The following TBCK variants were observed in gnomAD, a reference collection of about 807,000 sequenced individuals.
TBCK encodes the protein TBC1 domain containing kinase, also known as TBC domain-containing protein kinase-like protein.
In TBCK, 99 loss-of-function variants were observed where a neutral mutation model predicts 113.4. The ratio of observed to expected loss-of-function variants is 0.87; its 90% confidence interval spans 0.74 to 1.03. The LOEUF (loss-of-function observed/expected upper bound fraction) is 1.03. Ranked by LOEUF, TBCK falls within the 50% of genes least tolerant of loss-of-function variation. The probability of loss-of-function intolerance (pLI) is 0.00; values close to 1 mark genes in which losing one functional copy is unlikely to be tolerated. For missense variants in TBCK, 1,045 were observed against 1,061.3 expected (o/e 0.98, Z 0.21); for synonymous variants, 369 against 370.8 (o/e 1.00, Z 0.05).
At chr4:106,292,676 G>A (rs899861284) in intron 3 of TBCK, among the ~76,000 whole-genome samples, 6 of 152,120 alleles carry the variant, frequency 3.9e-5, no homozygotes, top group Non-Finnish European at 7.4e-5. Flanking sequence ...AGAAGTAGGT[G>A]GCTTTCTAAA....
At chr4:106,085,988 G>T (rs945790956) in intron 25 of TBCK, among the ~76,000 whole-genome samples, 2 of 152,050 alleles carry the variant, frequency 1.3e-5, no homozygotes, top group Non-Finnish European at 2.9e-5. Context: ...GTCCACATCA[G>T]AAAGCTAAAA....
chr4:106,305,064 G>GT (rs889245124), intron 2 of TBCK, among the ~76,000 whole-genome samples: 5 of 151,910 alleles, frequency 3.3e-5, no homozygotes, highest in African/African-American at 7.3e-5. Flanking sequence ...GGGTTTGTTT[G>GT]TTTTTTTCTC....
At chr4:106,292,502 G>A (rs1389266819) in intron 3 of TBCK, among the ~76,000 whole-genome samples, 5 of 151,626 alleles carry the variant, frequency 3.3e-5, no homozygotes, top group African/African-American at 1.2e-4. Flanking sequence ...CCCGGGAGGA[G>A]GAGCTTGCAG....
chr4:106,066,361 C>A (rs1019425068), intron 25 of TBCK, among the ~76,000 whole-genome samples: 29 of 151,830 alleles, frequency 1.9e-4, no homozygotes, highest in African/African-American at 5.8e-4. Context: ...TAAAAAAAAA[C>A]CCAAAATACC....
intron 15 of TBCK, 26 bp downstream of exon 15, chr4:106,235,243 C>T (rs1759313539): frequency 1.3e-6 from 2 of 1,508,580 alleles, no homozygotes; most frequent in South Asian, 1.2e-5. Context: ...AATTAATCAG[C>T]TTCTAACCTT....
chr4:106,261,200 T>C (rs1022013032), intron 4 of TBCK, among the ~76,000 whole-genome samples: 20 of 152,146 alleles, frequency 1.3e-4, no homozygotes, highest in Admixed American at 1.2e-3. Context: ...TATTTATATT[T>C]AAAAACAGCT....
At position 106,194,704 on chromosome 4, in the gene TBCK, G is replaced by C; in HGVS notation, c.1897+14C>G. ...TAATACAATATCAAAAAAACCGGGG[G>C]AAGTCATACTTACGAGTAAACATGG... On this transcript the variant is annotated intron_variant, in intron 21 of 25. Transcript: ENST00000394708. 1.3e-6 allele frequency: 2 copies of C among 1,591,094 alleles called. No homozygotes were observed. The highest frequency in any genetic ancestry group is 2.3e-5 in the South Asian group (2 of 87,438).
intron 24 of TBCK, among the ~76,000 whole-genome samples, chr4:106,114,555 T>C (rs1279133346): frequency 2.0e-5 from 3 of 152,188 alleles, no homozygotes; most frequent in African/African-American, 7.2e-5. Context: ...TACAGCACCC[T>C]GCTCGGGGTC....
intron 10 of TBCK, 22 bp from the exon 11 acceptor site, chr4:106,244,786 A>T: frequency 7.0e-7 from 1 of 1,438,340 alleles, no homozygotes; most frequent in Non-Finnish European, 9.6e-7. Context: ...AAATTTAAGG[A>T]ATCATTGTAT....
At chr4:106,161,199 C>T (rs542705150) in intron 23 of TBCK, among the ~76,000 whole-genome samples, 25 of 152,154 alleles carry the variant, frequency 1.6e-4, no homozygotes, top group African/African-American at 3.1e-4. Flanking sequence ...GTAAATTTTA[C>T]GTTGTGTGTA....
intron 23 of TBCK, among the ~76,000 whole-genome samples, chr4:106,150,310 TTATTGAGA>T (rs1417557354): frequency 6.6e-6 from 1 of 152,138 alleles, no homozygotes; most frequent in Non-Finnish European, 1.5e-5. Context: ...TATGAATGCC[TTATTGAGA>T]TATTTTCCCC....
At chr4:106,084,317 C>G (rs1739247747) in intron 25 of TBCK, among the ~76,000 whole-genome samples, 1 of 151,978 alleles carries the variant, frequency 6.6e-6, no homozygotes, top group Non-Finnish European at 1.5e-5. Flanking sequence ...CCAAACTGAC[C>G]ACATGGAAGA....
At chr4:106,203,556 A>C (rs1161725069) in intron 20 of TBCK, among the ~76,000 whole-genome samples, 1 of 151,854 alleles carries the variant, frequency 6.6e-6, no homozygotes, top group Non-Finnish European at 1.5e-5. Context: ...TAAAAAAAGA[A>C]ACAAATAAAA....
chr4:106,076,034 C>T (rs1263132769), intron 25 of TBCK, among the ~76,000 whole-genome samples: 2 of 152,190 alleles, frequency 1.3e-5, no homozygotes, highest in East Asian at 3.9e-4. Flanking sequence ...AATCCTGGCT[C>T]TGACACAGGC....
chr4:106,108,491 G>A (rs1345944747), intron 24 of TBCK, among the ~76,000 whole-genome samples: 18 of 152,154 alleles, frequency 1.2e-4, no homozygotes, highest in Admixed American at 1.2e-3. Flanking sequence ...TACATAAGCA[G>A]AACTAAAGAC....
chr4:106,077,056 G>A lies in TBCK; in HGVS notation c.2571+18426C>T, dbSNP rs181292268. Among the ~76,000 whole-genome samples the A allele has an allele frequency of 1.2e-4, 18 of 152,252 alleles. 1 individual carries two copies. In the East Asian group the frequency reaches 3.3e-3, roughly 28 times the overall value. ...GCAGAGGTTGCAGTGAGCTGAGATTGTACTACTGCACTCCAGCTGGGGAGA... is the reference window on the plus strand; with the variant it reads ...GCAGAGGTTGCAGTGAGCTGAGATTATACTACTGCACTCCAGCTGGGGAGA... On this transcript the variant is annotated intron_variant, in intron 25 of 25. Coordinates refer to ENST00000394708, the MANE Select transcript of TBCK (RefSeq NM_001163435.3).
chr4:106,096,373 C>A (rs1244193516), intron 24 of TBCK, among the ~76,000 whole-genome samples: 1 of 152,082 alleles, frequency 6.6e-6, no homozygotes, highest in African/African-American at 2.4e-5. Flanking sequence ...ATACTAAGAA[C>A]CTAACAAACA....
chr4:106,125,708 G>C (rs1386375230), intron 23 of TBCK, among the ~76,000 whole-genome samples: 1 of 152,088 alleles, frequency 6.6e-6, no homozygotes, highest in Non-Finnish European at 1.5e-5. Flanking sequence ...AGGTGGACAG[G>C]GTGGGTTTGG....
Position 106,262,153 on chromosome 4 carries a change from T to A in TBCK, c.326A>T (p.Lys109Ile). Residue 109 changes from lysine (K) to isoleucine (I), a missense_variant, in exon 4 of 26, where the codon AAA (lysine) becomes ATA (isoleucine). Lys to Ile is a moderately radical substitution (Grantham distance 102, BLOSUM62 -3). Coordinates refer to ENST00000394708, the MANE Select transcript of TBCK (RefSeq NM_001163435.3). ...EVLQGLQYMN[K>I]HGIVHRALSP... The stretch of plus-strand genomic sequence containing the variant: ...CAATGCCCTGTGTACTATACCATGT[T>A]TGTTCATATACTGCAAGCCCTGAAG... 2 of 1,548,948 alleles carry A rather than the reference T, an allele frequency of 1.3e-6. No individual in the cohort carries two copies. The highest frequency in any genetic ancestry group is 1.7e-6 in the Non-Finnish European group (2 of 1,145,194).
Sources: allele counts gnomAD v4.1 joint callset (sites outside exome capture counted in the v4.1 genomes callset), GRCh38; gene constraint gnomAD v4.1.1; transcripts MANE v1.5; gene names NCBI Gene and HGNC (gene_info 2026-07-23, HGNC 2026-07-21).